TMED2: variants seen among roughly 807,000 people sequenced by gnomAD.
The protein encoded by TMED2 is transmembrane emp24 domain-containing protein 2.
A neutral mutation model predicts 17.5 loss-of-function variants in TMED2; 3 were observed. That is an observed-to-expected ratio of 0.17 (90% CI 0.08 to 0.44). The LOEUF (loss-of-function observed/expected upper bound fraction) is 0.44. Among genes scored for constraint, TMED2 ranks in the 20% least tolerant of loss-of-function variants. TMED2 has a pLI of 0.99. For missense variants in TMED2, 149 were observed against 254.8 expected, an observed-to-expected ratio of 0.58 and a Z score of 2.83; for synonymous variants, 95 against 91.0, an observed-to-expected ratio of 1.04 and a Z score of -0.25.
In TMED2 at chr12:123,596,895, T is replaced by A; in HGVS notation, c.*166T>A. On this transcript the variant is annotated 3_prime_UTR_variant, in exon 4 of 4. Transcript: ENST00000262225. The stretch of plus-strand genomic sequence containing the variant: ...GGGGAAAAACGCCTTTTTAGGAAAA[T>A]TATAGTGAAAATTTGACAGTTGATT... 1.3e-6 allele frequency: 1 copy of A among 797,636 alleles called. No individual in the cohort carries two copies. The highest frequency in any genetic ancestry group is 1.7e-6 in the Non-Finnish European group (1 of 581,018). The allele number at this position is 797,636 out of a possible 1,614,324, so 49.4% of individuals were successfully genotyped here. A position where few individuals can be genotyped will look rare whatever the true frequency, so the allele number is the denominator to read the frequency against.
Position 123,586,819 on chromosome 12 carries a change from C to T in TMED2, c.253C>T (p.His85Tyr). Residue 85 changes from histidine to tyrosine, a missense_variant, in exon 2 of 4, where the codon CAC (histidine) becomes TAC (tyrosine). Coordinates refer to ENST00000262225, the MANE Select transcript of TMED2 (RefSeq NM_006815.4). ...ESSGKYTFAA[H>Y]MDGTYKFCFS... ...CAGTGGGAAATACACATTTGCTGCT[C>T]ACATGGATGGAACATACAAATTTTG... 6.2e-7 allele frequency: 1 copy of T among 1,613,598 alleles called. No individual in the cohort carries two copies. The highest frequency in any genetic ancestry group is 2.2e-5 in the East Asian group (1 of 44,848).
intron 3 of TMED2, among the ~76,000 whole-genome samples, chr12:123,591,735 T>C (rs1025751585): frequency 1.3e-5 from 2 of 151,746 alleles, no homozygotes; most frequent in African/African-American, 4.8e-5. Flanking sequence ...TGAGCTGATA[T>C]CATGCCATTG....
At chr12:123,586,726 G>A (rs1327068929) in intron 1 of TMED2, 21 bp from the exon 2 acceptor site, 2 of 1,563,546 alleles carry the variant, frequency 1.3e-6, no homozygotes, top group Non-Finnish European at 1.7e-6. Flanking sequence ...GACATTTTAT[G>A]CATTTCTCTC....
chr12:123,592,173 A>G (rs990048205), intron 3 of TMED2, among the ~76,000 whole-genome samples: 7 of 152,142 alleles, frequency 4.6e-5, no homozygotes, highest in Non-Finnish European at 7.4e-5. Flanking sequence ...CTTGTCTACA[A>G]TTACTCCAGC....
At chr12:123,587,169 T>C (rs962570998) in intron 2 of TMED2, among the ~76,000 whole-genome samples, 1 of 152,200 alleles carries the variant, frequency 6.6e-6, no homozygotes, top group East Asian at 1.9e-4. Context: ...TATTTTAAGA[T>C]TGTGTCTCGC....
In TMED2 at chr12:123,586,784, A is replaced by G. The variant is rs761026473; in HGVS notation, c.218A>G (p.Asp73Gly). ...GPDNKGIYKGDRESSGKYTFA... is the reference protein window; with the variant it reads ...GPDNKGIYKGGRESSGKYTFA... ...GATAACAAAGGAATTTACAAAGGAG[A>G]CAGAGAATCCAGTGGGAAATACACA... Residue 73 changes from aspartate (D) to glycine (G), a missense_variant, in exon 2 of 4, where the codon GAC (aspartate) becomes GGC (glycine). Physicochemically the swap from Asp to Gly is moderately conservative, Grantham distance 94 (BLOSUM62 -1). Transcript: ENST00000262225. 3 of 1,608,620 alleles carry G rather than the reference A, an allele frequency of 1.9e-6. No homozygotes were observed. The highest frequency in any genetic ancestry group is 2.5e-6 in the Non-Finnish European group (3 of 1,177,780).
chr12:123,585,075 G>A, intron 1 of TMED2: 1 of 447,472 alleles, frequency 2.2e-6, no homozygotes, highest in East Asian at 4.2e-5. Context: ...TTTTCTCCTT[G>A]AACGACGGGT....
At position 123,596,845 on chromosome 12, in the gene TMED2, GTTTC is replaced by G. The variant is rs1953434503; in HGVS notation, c.*120_*123del. The G allele has an allele frequency of 1.4e-5, 18 of 1,265,936 alleles. No individual in the cohort carries two copies. The highest frequency in any genetic ancestry group is 1.9e-5 in the Non-Finnish European group (18 of 969,264). 78.4% of individuals were successfully genotyped at this position (1,265,936 alleles called of 1,614,324 possible). ...TCTGAACTGTACATTCACAACTTATGTTTCTTTGAGATTAATAGATATTGGGGGA... is the reference window on the plus strand; with the variant it reads ...TCTGAACTGTACATTCACAACTTATGTTTGAGATTAATAGATATTGGGGGA... On this transcript the variant is annotated 3_prime_UTR_variant, in exon 4 of 4. Coordinates refer to ENST00000262225, the MANE Select transcript of TMED2 (RefSeq NM_006815.4).
Position 123,594,221 on chromosome 12 carries a change from G to A in TMED2, c.482-2384G>A, listed in dbSNP as rs187051554. Among the ~76,000 whole-genome samples the A allele has an allele frequency of 1.4e-4, 21 of 150,064 alleles. No individual in the cohort carries two copies. The East Asian group carries it at 4.2e-3, about 30-fold the overall frequency. ...GCAAACTCGGCTCACTGCAAGCTCC[G>A]CCTCCCAGGTTCACGCCATTCTCCT... On this transcript the variant is annotated intron_variant, in intron 3 of 3. Transcript: ENST00000262225.
intron 2 of TMED2, among the ~76,000 whole-genome samples, chr12:123,587,997 CTTCTT>C (rs1953364680): frequency 6.6e-6 from 1 of 152,110 alleles, no homozygotes; most frequent in African/African-American, 2.4e-5. Context: ...ATTTTGTAGA[CTTCTT>C]AACCTGAAGC....
At position 123,586,797 on chromosome 12, in the gene TMED2, TG is replaced by T. The variant is rs748053271; in HGVS notation, c.234del (p.Lys79AsnfsTer23). 1 of 1,611,206 alleles carries T rather than the reference TG, an allele frequency of 6.2e-7. No homozygotes were observed. The highest frequency in any genetic ancestry group is 2.2e-5 in the East Asian group (1 of 44,764). ...GIYKGDRESS[G>X]KYTFAAHMDG... Reference sequence around the variant, plus strand: ...TTTACAAAGGAGACAGAGAATCCAGTGGGAAATACACATTTGCTGCTCACAT... The same window carrying T: ...TTTACAAAGGAGACAGAGAATCCAGTGGAAATACACATTTGCTGCTCACAT... On this transcript the variant is annotated frameshift_variant, in exon 2 of 4. Transcript: ENST00000262225. LOFTEE classifies it high-confidence loss of function.
Position 123,584,743 on chromosome 12 carries a change from G to C in TMED2, c.107G>C (p.Arg36Pro), listed in dbSNP as rs1423247488. ...CATGCTGAAGAGTGCTTCTTTGAGC[G>C]GGTCACCTCGGGCACCAAGATGGGC... is the stretch of plus-strand genomic sequence containing the variant. ...DAHAEECFFE[R>P]VTSGTKMGLI... The change falls in exon 1 of 4, where the codon CGG becomes CCG. Residue 36 changes from arginine (R) to proline (P), a missense_variant. By Grantham distance (103) the Arg-to-Pro change is moderately radical. Coordinates refer to ENST00000262225, the MANE Select transcript of TMED2 (RefSeq NM_006815.4). 2 of 1,613,722 alleles carry C rather than the reference G, an allele frequency of 1.2e-6. No individual in the cohort carries two copies. Among genetic ancestry groups the C allele is most frequent in the Non-Finnish European group, 1.7e-6 (2 of 1,179,882 alleles).
At chr12:123,595,170 AGT>A (rs1953421979) in intron 3 of TMED2, among the ~76,000 whole-genome samples, 1 of 152,204 alleles carries the variant, frequency 6.6e-6, no homozygotes, top group Non-Finnish European at 1.5e-5. Flanking sequence ...CAGAGGTTGC[AGT>A]GAGCTGAGAT....
In TMED2 at chr12:123,596,300, T is replaced by C. The variant is rs937761965; in HGVS notation, c.482-305T>C. On this transcript the variant is annotated intron_variant, in intron 3 of 3. Transcript: ENST00000262225. ...CAACACTTTATTATAAAATAATCTT[T>C]GTGTTGTTAGATGCTTTTGCTCAAC... is the stretch of plus-strand genomic sequence containing the variant. Among the ~76,000 whole-genome samples the C allele has an allele frequency of 3.5e-4, 53 of 152,244 alleles. 1 individual carries two copies. The highest frequency in any genetic ancestry group is 3.0e-3 in the Admixed American group (46 of 15,286).
chr12:123,588,983 G>A (rs777112714), intron 2 of TMED2, among the ~76,000 whole-genome samples: 24 of 152,172 alleles, frequency 1.6e-4, no homozygotes, highest in African/African-American at 4.3e-4. Context: ...GGTTGTCTGC[G>A]AGAATCTGGA....
In TMED2 at chr12:123,584,615, T is replaced by G; in HGVS notation, c.-22T>G. The G allele has an allele frequency of 6.2e-7, 1 of 1,601,690 alleles. No individual in the cohort carries two copies. Among genetic ancestry groups the G allele is most frequent in the Non-Finnish European group, 8.5e-7 (1 of 1,176,988 alleles). ...GCTGTGGAGGCCGCAGTCCGGGTCC[T>G]GGCTTCGGCCTCAGCCCCACCATGG... On this transcript the variant is annotated 5_prime_UTR_variant, in exon 1 of 4. Coordinates refer to ENST00000262225, the MANE Select transcript of TMED2 (RefSeq NM_006815.4).
chr12:123,584,942 G>T, intron 1 of TMED2, 126 bp downstream of exon 1: 2 of 1,208,008 alleles, frequency 1.7e-6, no homozygotes, highest in Non-Finnish European at 1.1e-6. Context: ...TCCTGGAGAA[G>T]CCCAGGCCGC....
chr12:123,586,691 T>C (rs565113190), intron 1 of TMED2, 56 bp from the exon 2 acceptor site: 3 of 1,497,378 alleles, frequency 2.0e-6, no homozygotes, highest in Non-Finnish European at 2.7e-6. Context: ...ACATTACTTA[T>C]AAAGTCTATG....
chr12:123,585,110 T>G, intron 1 of TMED2: 1 of 343,698 alleles, frequency 2.9e-6, no homozygotes, highest in Non-Finnish European at 5.5e-6. Flanking sequence ...CTCGCTGAGC[T>G]TTGTGAATCA....
Sources: gnomAD v4.1 joint callset for allele counts (sites outside exome capture counted in the v4.1 genomes callset) on GRCh38, gnomAD v4.1.1 for gene constraint, MANE v1.5 for transcripts, NCBI Gene and HGNC (gene_info 2026-07-23, HGNC 2026-07-21) for gene names.